The following COL9A1 variants were observed in gnomAD, a reference collection of about 807,000 sequenced individuals.
COL9A1 encodes collagen type IX alpha 1 chain.
In COL9A1, 104 loss-of-function variants were observed where a neutral mutation model predicts 142.6. The observed-to-expected ratio is 0.73, with a 90% confidence interval of 0.62 to 0.86. The LOEUF is 0.86. Among genes scored for constraint, COL9A1 ranks in the 40% least tolerant of loss-of-function variants. The probability of loss-of-function intolerance (pLI) is 0.00; values close to 1 mark genes in which losing one functional copy is unlikely to be tolerated. For missense variants in COL9A1, 1,210 were observed against 1,176.6 expected, an observed-to-expected ratio of 1.03 and a Z score of -0.42; for synonymous variants, 466 against 396.0, an observed-to-expected ratio of 1.18 and a Z score of -2.10.
At chr6:70,221,987 G>A (rs942142409) in intron 37 of COL9A1, among the ~76,000 whole-genome samples, 2 of 152,100 alleles carry the variant, frequency 1.3e-5, no homozygotes, top group African/African-American at 4.8e-5. Flanking sequence ...AGCAATTATG[G>A]GACATGCTCA....
intron 14 of COL9A1, among the ~76,000 whole-genome samples, chr6:70,271,122 CCA>C (rs1430833652): frequency 6.6e-6 from 1 of 152,158 alleles, no homozygotes; most frequent in African/African-American, 2.4e-5. Flanking sequence ...TGGCTCCTTC[CCA>C]CAGTGAGTTT....
chr6:70,296,341 T>A (rs1447345672), intron 4 of COL9A1, among the ~76,000 whole-genome samples: 1 of 152,186 alleles, frequency 6.6e-6, no homozygotes. Context: ...TGACATGTAT[T>A]AATCTTACTG....
chr6:70,266,887 T>C lies in COL9A1; in HGVS notation c.1288-117A>G, dbSNP rs3818575. 5,075 of 847,048 alleles carry C rather than the reference T, an allele frequency of 6.0e-3. 101 individuals carry two copies. The highest frequency in any genetic ancestry group is 0.051 in the East Asian group (2,076 of 41,068). The allele number at this position is 847,048 out of a possible 1,614,324, so 52.5% of individuals were successfully genotyped here. On this transcript the variant is annotated intron_variant, in intron 17 of 37. Transcript: ENST00000357250. ...CAATGTATTACTAAGAAATGAGTTA[T>C]GTCACAAAGAAAATTAATGCCTTAA...
chr6:70,226,160 A>G, intron 36 of COL9A1, 151 bp from the exon 37 acceptor site: 1 of 660,194 alleles, frequency 1.5e-6, no homozygotes, highest in Non-Finnish European at 2.6e-6. Flanking sequence ...CAAGGCAAAA[A>G]TCAAGTTCAT....
intron 20 of COL9A1, among the ~76,000 whole-genome samples, chr6:70,259,899 G>GTA (rs1381768143): frequency 3.9e-5 from 6 of 152,192 alleles, no homozygotes; most frequent in African/African-American, 1.4e-4. Flanking sequence ...AGCCATAAGT[G>GTA]TATAACCCAT....
In COL9A1 at chr6:70,217,027, G is replaced by A. The variant is rs1156605612; in HGVS notation, c.2636C>T (p.Pro879Leu). ...GRNGRDGERG[P>L]PGVAGIPGVP... is the part of the protein sequence containing the mutation. ...TCCAGGAATTCCTGCCACCCCTGGG[G>A]GGCCTCGCTCACCGTCTCGGCCATT... The change falls in exon 38 of 38, where the codon CCC becomes CTC. Residue 879 changes from proline (P) to leucine (L), a missense_variant. Physicochemically the swap from Pro to Leu is moderately conservative, Grantham distance 98. Coordinates refer to ENST00000357250, the MANE Select transcript of COL9A1 (RefSeq NM_001851.6). 4.3e-6 allele frequency: 7 copies of A among 1,614,178 alleles called. No individual in the cohort carries two copies.
At position 70,285,213 on chromosome 6, in the gene COL9A1, G is replaced by A. The variant is rs73747737; in HGVS notation, c.697-1393C>T. 8.7e-3 allele frequency among the ~76,000 whole-genome samples: 1,331 copies of A among 152,308 alleles called. 17 individuals are homozygous for A. The highest frequency in any genetic ancestry group is 0.03 in the African/African-American group (1,251 of 41,564). On this transcript the variant is annotated intron_variant, in intron 5 of 37. Transcript: ENST00000357250. ...GCAATTGTGGCACAGGATAATGGGGGAATGAAATGTAATTCATCTGTGAAT... is the reference window on the plus strand; with the variant it reads ...GCAATTGTGGCACAGGATAATGGGGAAATGAAATGTAATTCATCTGTGAAT...
chr6:70,265,497 G>A (rs941987431), intron 18 of COL9A1, among the ~76,000 whole-genome samples: 2 of 140,002 alleles, frequency 1.4e-5, no homozygotes, highest in Admixed American at 1.4e-4. Flanking sequence ...CCCTGTGCTT[G>A]TACTTTTTTT....
chr6:70,283,690 G>A (rs371825000), intron 6 of COL9A1, 47 bp downstream of exon 6: 205 of 1,413,404 alleles, frequency 1.5e-4, no homozygotes, highest in Non-Finnish European at 1.9e-4. Flanking sequence ...AGGTGGAGAG[G>A]GTTGAGCTGG....
intron 35 of COL9A1, among the ~76,000 whole-genome samples, chr6:70,233,017 A>C (rs1395960420): frequency 1.3e-5 from 2 of 152,102 alleles, no homozygotes; most frequent in Non-Finnish European, 2.9e-5. Context: ...GAGTCAGGGC[A>C]CGGGGAGGGA....
intron 25 of COL9A1, among the ~76,000 whole-genome samples, 153 bp from the exon 26 acceptor site, chr6:70,253,582 A>C (rs553355671): frequency 1.3e-5 from 2 of 152,222 alleles, no homozygotes; most frequent in East Asian, 3.8e-4. Flanking sequence ...CAAATTCTGC[A>C]CAGTCATTTA....
In COL9A1 at chr6:70,217,034, G is replaced by C. The variant is rs758388716; in HGVS notation, c.2629C>G (p.Arg877Gly). Residue 877 changes from arginine to glycine, a missense_variant, in exon 38 of 38, where the codon CGA becomes GGA. Arg to Gly is a moderately radical substitution (Grantham distance 125, BLOSUM62 -2). Transcript: ENST00000357250. ...SYGRNGRDGE[R>G]GPPGVAGIPG... ...ATTCCTGCCACCCCTGGGGGGCCTC[G>C]CTCACCGTCTCGGCCATTTCTGCCA... 1.2e-6 allele frequency: 2 copies of C among 1,614,116 alleles called. No individual in the cohort carries two copies. The highest frequency in any genetic ancestry group is 2.2e-5 in the South Asian group (2 of 91,080).
intron 17 of COL9A1, 25 bp from the exon 18 acceptor site, chr6:70,266,795 G>A: frequency 6.2e-7 from 1 of 1,600,876 alleles, no homozygotes; most frequent in Non-Finnish European, 8.6e-7. Context: ...ATAAGTAATT[G>A]TCTTGAGTTT....
intron 37 of COL9A1, among the ~76,000 whole-genome samples, chr6:70,218,847 T>C (rs1768698107): frequency 6.6e-6 from 1 of 152,200 alleles, no homozygotes; most frequent in Non-Finnish European, 1.5e-5. Flanking sequence ...AGCAATGTCA[T>C]AGGGCAATAT....
intron 18 of COL9A1, among the ~76,000 whole-genome samples, chr6:70,265,933 C>T (rs1771982099): frequency 6.6e-6 from 1 of 151,982 alleles, no homozygotes; most frequent in Non-Finnish European, 1.5e-5. Flanking sequence ...CTATCACTAC[C>T]CAATAAAGGG....
Position 70,294,455 on chromosome 6 carries a change from G to A in COL9A1, c.408C>T (p.Ser136=), listed in dbSNP as rs1562331466. 6.2e-7 allele frequency: 1 copy of A among 1,614,118 alleles called. No homozygotes were observed. Among genetic ancestry groups the A allele is most frequent in the South Asian group, 1.1e-5 (1 of 91,090 alleles). ...KNWNIWQIQD[S]SGKEQVGIKI... ...TTATGCCAACTTGCTCCTTCCCAGA[G>A]GAATCCTGAATCTGCCAAATGTTCC... Residue 136 remains serine (S), a synonymous_variant, in exon 5 of 38, where the codon TCC becomes TCT. Transcript: ENST00000357250.
rs1204304353 is a variant in COL9A1, at chr6:70,231,728, A to AC, written c.2503+854_2503+855insG. ...CACCGCAGTACTTAAAAAAAAAAAA[A>AC]ACAACCCTCTCTTGTTTCTGATGCC... On this transcript the variant is annotated intron_variant, in intron 36 of 37. Coordinates refer to ENST00000357250, the MANE Select transcript of COL9A1 (RefSeq NM_001851.6). 7.4e-4 allele frequency among the ~76,000 whole-genome samples: 112 copies of AC among 151,676 alleles called. 1 individual carries two copies. The highest frequency in any genetic ancestry group is 2.5e-3 in the African/African-American group (105 of 41,350).
At chr6:70,254,890 A>G in intron 24 of COL9A1, 73 bp downstream of exon 24, 1 of 1,372,818 alleles carries the variant, frequency 7.3e-7, no homozygotes, top group East Asian at 2.3e-5. Context: ...TGATTTAGTA[A>G]TGGAAATGCC....
intron 33 of COL9A1, among the ~76,000 whole-genome samples, chr6:70,237,237 T>G (rs2127561701): frequency 6.6e-6 from 1 of 152,300 alleles, no homozygotes; most frequent in African/African-American, 2.4e-5. Context: ...TGATAATGAC[T>G]GAAATACTGC....
Sources: allele counts gnomAD v4.1 joint callset (sites outside exome capture counted in the v4.1 genomes callset), GRCh38; gene constraint gnomAD v4.1.1; transcripts MANE v1.5; gene names NCBI Gene and HGNC (gene_info 2026-07-23, HGNC 2026-07-21).